ARHGAP44: variants seen among roughly 807,000 people sequenced by gnomAD.
ARHGAP44 encodes the protein rho GTPase-activating protein 44.
In ARHGAP44, 43 loss-of-function variants were observed where a neutral mutation model predicts 106.8. The observed-to-expected ratio is 0.40, with a 90% CI of 0.32 to 0.52. The LOEUF (loss-of-function observed/expected upper bound fraction) is 0.52, where lower values mean the gene tolerates loss of function less well. ARHGAP44 is among the 20% of genes least tolerant of loss of function. ARHGAP44 has a pLI of 0.48. For missense variants in ARHGAP44, 866 were observed against 1,050.5 expected, an observed-to-expected ratio of 0.82 and a Z score of 2.43; for synonymous variants, 439 against 410.3, an observed-to-expected ratio of 1.07 and a Z score of -0.85.
intron 3 of ARHGAP44, among the ~76,000 whole-genome samples, chr17:12,906,377 A>T (rs1191874095): frequency 6.6e-6 from 1 of 152,192 alleles, no homozygotes; most frequent in Non-Finnish European, 1.5e-5. Context: ...TTAAGGGCTC[A>T]GTCCTACAAG....
At chr17:12,923,612 C>T (rs12451130) in intron 6 of ARHGAP44, among the ~76,000 whole-genome samples, 6,654 of 152,246 alleles carry the variant, frequency 0.044, 214 homozygotes, top group Admixed American at 0.086. Context: ...AGATCTAACT[C>T]AAGGCCTCAA....
intron 1 of ARHGAP44, among the ~76,000 whole-genome samples, chr17:12,869,654 A>G (rs1216627756): frequency 6.6e-6 from 1 of 152,130 alleles, no homozygotes; most frequent in East Asian, 1.9e-4. Context: ...CCTGGCAACC[A>G]CTTTTGAAAA....
chr17:12,892,308 G>A (rs1192855197), intron 1 of ARHGAP44, among the ~76,000 whole-genome samples: 1 of 151,998 alleles, frequency 6.6e-6, no homozygotes, highest in Non-Finnish European at 1.5e-5. Flanking sequence ...GAAATCTGCT[G>A]TCATTCTAAT....
intron 6 of ARHGAP44, among the ~76,000 whole-genome samples, chr17:12,920,521 C>A (rs900404666): frequency 3.9e-5 from 6 of 151,972 alleles, no homozygotes; most frequent in Admixed American, 6.6e-5. Context: ...AAGGTGGCAG[C>A]CTTACAGAGA....
At chr17:12,866,865 G>T (rs992911515) in intron 1 of ARHGAP44, among the ~76,000 whole-genome samples, 1 of 152,062 alleles carries the variant, frequency 6.6e-6, no homozygotes, top group African/African-American at 2.4e-5. Flanking sequence ...CTTCATGTCC[G>T]TAAAACTTCC....
intron 4 of ARHGAP44, among the ~76,000 whole-genome samples, chr17:12,914,452 C>A (rs1330113331): frequency 6.6e-6 from 1 of 152,172 alleles, no homozygotes; most frequent in South Asian, 2.1e-4. Context: ...GAACGAAATT[C>A]TCCATTGCAA....
In ARHGAP44 at chr17:12,865,618, T is replaced by C. The variant is rs1408777881; in HGVS notation, c.54-29322T>C. 2.0e-5 allele frequency among the ~76,000 whole-genome samples: 3 copies of C among 152,146 alleles called. No homozygotes were observed. In the East Asian group the frequency reaches 5.8e-4, roughly 30 times the overall value. ...TCCTGGCTAACATGGTGAAACCCTG[T>C]CTCTACTAAAAATACAAAAAATTAG... On this transcript the variant is annotated intron_variant, in intron 1 of 20. Transcript: ENST00000379672.
intron 18 of ARHGAP44, 70 bp from the exon 19 acceptor site, chr17:12,979,988 A>G: frequency 1.4e-6 from 2 of 1,478,166 alleles, no homozygotes; most frequent in Non-Finnish European, 1.8e-6. Flanking sequence ...CAGGGTGGCC[A>G]TCGGCAAGGC....
chr17:12,959,101 C>A, intron 16 of ARHGAP44: 1 of 604,404 alleles, frequency 1.7e-6, no homozygotes, highest in Non-Finnish European at 2.9e-6. Context: ...TCAGTGTAGC[C>A]TTCTTAGCTG....
At chr17:12,912,318 C>T (rs2037760842) in intron 4 of ARHGAP44, among the ~76,000 whole-genome samples, 1 of 151,584 alleles carries the variant, frequency 6.6e-6, no homozygotes, top group Non-Finnish European at 1.5e-5. Context: ...ATGAAATTCT[C>T]AGGAGGTTGG....
intron 1 of ARHGAP44, among the ~76,000 whole-genome samples, chr17:12,868,820 G>C (rs906449238): frequency 6.6e-6 from 1 of 150,900 alleles, no homozygotes; most frequent in African/African-American, 2.4e-5. Context: ...ACCACGCCTG[G>C]CTAGTTTTTG....
intron 1 of ARHGAP44, among the ~76,000 whole-genome samples, chr17:12,889,896 C>G (rs1487078544): frequency 6.6e-6 from 1 of 152,210 alleles, no homozygotes; most frequent in Non-Finnish European, 1.5e-5. Context: ...ATAACTGGTT[C>G]CAACTAAGTC....
In ARHGAP44 at chr17:12,915,994, C is replaced by T; in HGVS notation, c.370C>T (p.Leu124=). ...AGTAGAGAGAGACGTGATTGAGCCC[C>T]TGTTTTTGCTGGCGGAGGTAAGCAG... The part of the protein sequence containing the change: ...LQVERDVIEP[L]FLLAEVEIPN... Residue 124 remains leucine, a synonymous_variant, in exon 5 of 21, where the codon CTG becomes TTG. Transcript: ENST00000379672. The T allele has an allele frequency of 6.2e-7, 1 of 1,613,932 alleles. No individual in the cohort carries two copies. Among genetic ancestry groups the T allele is most frequent in the Non-Finnish European group, 8.5e-7 (1 of 1,179,846 alleles).
At chr17:12,868,778 C>T (rs1421379364) in intron 1 of ARHGAP44, among the ~76,000 whole-genome samples, 1 of 151,208 alleles carries the variant, frequency 6.6e-6, no homozygotes, top group Non-Finnish European at 1.5e-5. Flanking sequence ...CTGCCTCAGC[C>T]TCCCAAGTAG....
At position 12,958,954 on chromosome 17, in the gene ARHGAP44, A is replaced by T; in HGVS notation, c.1523+57A>T. 6.5e-7 allele frequency: 1 copy of T among 1,547,504 alleles called. No homozygotes were observed. The highest frequency in any genetic ancestry group is 8.8e-7 in the Non-Finnish European group (1 of 1,140,394). On this transcript the variant is annotated intron_variant, in intron 16 of 20. Transcript: ENST00000379672. The surrounding 1 kb of genome is among the most constrained non-coding windows in gnomAD (Gnocchi z 4.1). ...GGATTAGGGGAGGTGGTGGGGGTGGATGGGTGACGCATAAGAAAAATACAA... is the reference window on the plus strand; with the variant it reads ...GGATTAGGGGAGGTGGTGGGGGTGGTTGGGTGACGCATAAGAAAAATACAA...
At chr17:12,828,622 ATTTTTTTTTCTTTCTTTTT>A (rs1335068817) in intron 1 of ARHGAP44, among the ~76,000 whole-genome samples, 1 of 115,882 alleles carries the variant, frequency 8.6e-6, no homozygotes, top group Non-Finnish European at 1.8e-5. Flanking sequence ...TTTCTTTTGG[ATTTTTTTTTCTTTCTTTTT>A]TTTTTTTTTT....
intron 3 of ARHGAP44, among the ~76,000 whole-genome samples, chr17:12,903,138 AGAGTGTGTGT>A (rs1205729851): frequency 2.1e-5 from 2 of 94,750 alleles, no homozygotes; most frequent in South Asian, 3.9e-4. Context: ...AGAGAGAGAG[AGAGTGTGTGT>A]GTGTGTGTGT....
At chr17:12,802,342 G>T (rs2034118836) in intron 1 of ARHGAP44, among the ~76,000 whole-genome samples, 1 of 152,196 alleles carries the variant, frequency 6.6e-6, no homozygotes, top group Non-Finnish European at 1.5e-5. Flanking sequence ...GGACAGTGCG[G>T]CCTGGGAGTG....
intron 10 of ARHGAP44, among the ~76,000 whole-genome samples, chr17:12,945,986 T>TGACCTCA (rs1476956340): frequency 6.6e-6 from 1 of 152,098 alleles, no homozygotes; most frequent in East Asian, 1.9e-4. Context: ...CTTGAACTCC[T>TGACCTCA]GACCTCAGGT....
Sources: allele counts gnomAD v4.1 joint callset (sites outside exome capture counted in the v4.1 genomes callset), GRCh38; gene constraint gnomAD v4.1.1; non-coding constraint Gnocchi (gnomAD v3.1); transcripts MANE v1.5; gene names NCBI Gene and HGNC (gene_info 2026-07-23, HGNC 2026-07-21).